Variants in ATF7 observed in about 807,000 individuals in gnomAD.
ATF7 encodes the protein cyclic AMP-dependent transcription factor ATF-7.
In ATF7, 10 loss-of-function variants were observed where a neutral mutation model predicts 50.4. The observed-to-expected ratio is 0.20, with a 90% CI of 0.12 to 0.34. The LOEUF (loss-of-function observed/expected upper bound fraction) is 0.34, where lower values mean the gene tolerates loss of function less well. Ranked by LOEUF, ATF7 falls within the 10% of genes least tolerant of loss-of-function variation. The pLI, the probability that ATF7 is intolerant of heterozygous loss-of-function variation, is 1.00. For synonymous variants in ATF7, 201 were observed against 226.4 expected (o/e 0.89, Z 1.01); for missense variants, 465 against 613.9 (o/e 0.76, Z 2.56).
intron 3 of ATF7, 23 bp downstream of exon 3, chr12:53,552,518 G>T (rs769726911): frequency 2.5e-6 from 4 of 1,588,620 alleles, no homozygotes; most frequent in East Asian, 2.2e-5. Context: ...ATCAAGGCAC[G>T]TGGCTTTTGG....
At chr12:53,542,276 AATTAGCC>A (rs916723443) in intron 4 of ATF7, among the ~76,000 whole-genome samples, 2 of 151,676 alleles carry the variant, frequency 1.3e-5, no homozygotes, top group African/African-American at 4.8e-5. Context: ...ATAAAAAAAA[AATTAGCC>A]AGGTGTGGTG....
intron 4 of ATF7, chr12:53,543,083 A>C: frequency 1.5e-6 from 2 of 1,368,574 alleles, no homozygotes; most frequent in Non-Finnish European, 1.9e-6. Flanking sequence ...TATTAAACTA[A>C]TACTCCCCTG....
chr12:53,613,567 C>G (rs1943987177), intron 1 of ATF7, among the ~76,000 whole-genome samples: 1 of 152,080 alleles, frequency 6.6e-6, no homozygotes, highest in Non-Finnish European at 1.5e-5. Context: ...GTTGCCCAAG[C>G]TGGAGTGCAG....
intron 2 of ATF7, among the ~76,000 whole-genome samples, chr12:53,597,883 C>A (rs1408477954): frequency 2.6e-5 from 4 of 151,968 alleles, no homozygotes; most frequent in African/African-American, 9.7e-5. Flanking sequence ...GTAGAAGCCA[C>A]TGCTTTTTGA....
At chr12:53,569,573 G>A (rs1941632805) in intron 2 of ATF7, among the ~76,000 whole-genome samples, 1 of 152,042 alleles carries the variant, frequency 6.6e-6, no homozygotes, top group African/African-American at 2.4e-5. Context: ...ATTTTCATGT[G>A]TCTGACTCCC....
chr12:53,585,621 G>C (rs940642723), intron 2 of ATF7, among the ~76,000 whole-genome samples: 1 of 152,180 alleles, frequency 6.6e-6, no homozygotes, highest in African/African-American at 2.4e-5. Context: ...TTCTCATACA[G>C]TGCTCAGAAA....
rs773566252 is a variant in ATF7 at position 53,532,631 on chromosome 12, G to A, written c.661-8C>T. 37 of 1,526,902 alleles carry A rather than the reference G, an allele frequency of 2.4e-5. No homozygotes were observed. The highest frequency in any genetic ancestry group is 9.8e-5 in the South Asian group (8 of 81,746). The allele number at this position is 1,526,902 out of a possible 1,614,324, so 94.6% of individuals were successfully genotyped here. A position where few individuals can be genotyped will look rare whatever the true frequency, so the allele number is the denominator to read the frequency against. ...GGACACAGGTCTGGCCAGCTGGATC[G>A]AGAGAAGGAAAAAAAAAAAAAGAGA... On this transcript the variant is annotated splice_polypyrimidine_tract_variant and splice_region_variant and intron_variant, in intron 7 of 11. Coordinates refer to ENST00000420353, the MANE Select transcript of ATF7 (RefSeq NM_006856.3).
intron 7 of ATF7, 81 bp downstream of exon 7, chr12:53,533,079 C>A: frequency 7.9e-7 from 1 of 1,259,226 alleles, no homozygotes; most frequent in Middle Eastern, 2.5e-4. Flanking sequence ...CCCTGGGGCT[C>A]ATGTGTATTT....
At chr12:53,584,253 A>G (rs1565978346) in intron 2 of ATF7, among the ~76,000 whole-genome samples, 1 of 152,208 alleles carries the variant, frequency 6.6e-6, no homozygotes, top group Non-Finnish European at 1.5e-5. Flanking sequence ...AAATGCAGGG[A>G]TTACAGGTGT....
At chr12:53,558,045 G>C (rs1052691701) in intron 2 of ATF7, among the ~76,000 whole-genome samples, 17 of 152,074 alleles carry the variant, frequency 1.1e-4, no homozygotes, top group Non-Finnish European at 2.4e-4. Flanking sequence ...ATTTCTTTTG[G>C]ACAGCTCTAA....
chr12:53,619,724 A>T (rs1448939173), intron 1 of ATF7, among the ~76,000 whole-genome samples: 1 of 151,888 alleles, frequency 6.6e-6, no homozygotes, highest in Admixed American at 6.6e-5. Context: ...AGGCAGGATA[A>T]TCACTTGAGC....
chr12:53,551,170 T>G (rs1237284243), intron 3 of ATF7, among the ~76,000 whole-genome samples: 1 of 151,988 alleles, frequency 6.6e-6, no homozygotes, highest in Non-Finnish European at 1.5e-5. Context: ...GTTTTCCTTT[T>G]GTTTTTAGAG....
chr12:53,547,700 C>T (rs1247212463), intron 3 of ATF7, among the ~76,000 whole-genome samples: 1 of 151,596 alleles, frequency 6.6e-6, no homozygotes, highest in East Asian at 1.9e-4. Flanking sequence ...GTCTCAGCCT[C>T]CCAAGTAGCT....
intron 5 of ATF7, among the ~76,000 whole-genome samples, chr12:53,534,936 G>A (rs1341904866): frequency 6.6e-6 from 1 of 152,134 alleles, no homozygotes; most frequent in Non-Finnish European, 1.5e-5. Context: ...AAGCAGCACT[G>A]TAGTACCATA....
rs576220842 is a variant in ATF7, at chr12:53,545,048, T to C, written c.146-1600A>G. On this transcript the variant is annotated intron_variant, in intron 3 of 11. Transcript: ENST00000420353. ...GTAAGGGCATACCCAAAATCATAAC[T>C]CAAGTGGAACAGGAGGGGGCAGCTA... Among the ~76,000 whole-genome samples the C allele has an allele frequency of 3.9e-5, 6 of 152,150 alleles. 1 individual carries two copies. The South Asian group carries it at 1.2e-3, about 32-fold the overall frequency.
intron 2 of ATF7, among the ~76,000 whole-genome samples, chr12:53,597,741 G>A (rs748821837): frequency 2.0e-5 from 3 of 151,430 alleles, no homozygotes; most frequent in African/African-American, 4.9e-5. Context: ...CCCAGGAGGC[G>A]GAGCTTGCAG....
At position 53,524,714 on chromosome 12, in the gene ATF7, G is replaced by GCGC; in HGVS notation, c.972_974dup (p.Arg325dup). On this transcript the variant is annotated inframe_insertion, in exon 10 of 12. Transcript: ENST00000420353. The surrounding 1 kb of genome is among the most constrained non-coding windows in gnomAD (Gnocchi z 4.6). Reference sequence around the variant, plus strand: ...GCTCATCTGGATCTTCATCTACTGTGCGCCGCCGTCGCCCCCCAGTACTAG... The same window carrying GCGC: ...GCTCATCTGGATCTTCATCTACTGTGCGCCGCCGCCGTCGCCCCCCAGTACTAG... 6.2e-7 allele frequency: 1 copy of GCGC among 1,612,798 alleles called. No individual in the cohort carries two copies. The highest frequency in any genetic ancestry group is 8.5e-7 in the Non-Finnish European group (1 of 1,179,684).
Position 53,517,299 on chromosome 12 carries a change from G to A in ATF7, c.1290C>T (p.His430=). ...PTGSPAPVIQ[H]SSATAPSNGL... ...CATTGCTAGGGGCTGTTGCTGAGCT[G>A]TGCTGAATCACAGGGGCTGGAGAAC... Residue 430 remains histidine (H), a synonymous_variant, in exon 12 of 12, where the codon CAC becomes CAT. Transcript: ENST00000420353. The A allele has an allele frequency of 6.2e-7, 1 of 1,614,040 alleles. No homozygotes were observed. Among genetic ancestry groups the A allele is most frequent in the Non-Finnish European group, 8.5e-7 (1 of 1,179,902 alleles).
At chr12:53,560,908 A>G (rs1388650003) in intron 2 of ATF7, among the ~76,000 whole-genome samples, 1 of 150,134 alleles carries the variant, frequency 6.7e-6, no homozygotes, top group Non-Finnish European at 1.5e-5. Context: ...CTTTCTTTTA[A>G]TTCAGTATCT....
Sources: gnomAD v4.1 joint callset for allele counts (sites outside exome capture counted in the v4.1 genomes callset) on GRCh38, gnomAD v4.1.1 for gene constraint, Gnocchi (gnomAD v3.1) non-coding constraint, MANE v1.5 for transcripts, NCBI Gene and HGNC (gene_info 2026-07-23, HGNC 2026-07-21) for gene names.